KCP: variants seen among roughly 807,000 people sequenced by gnomAD.
KCP encodes kielin/chordin-like protein.
In KCP, 194 loss-of-function variants were observed where a neutral mutation model predicts 212.7. The ratio of observed to expected loss-of-function variants is 0.91; its 90% CI spans 0.81 to 1.03. KCP has a LOEUF of 1.03. Ranked by LOEUF, KCP falls within the 50% of genes least tolerant of loss-of-function variation. The probability of loss-of-function intolerance (pLI) is 0.00; values close to 1 mark genes in which losing one functional copy is unlikely to be tolerated. For synonymous variants in KCP, 833 were observed against 865.3 expected (o/e 0.96, Z 0.65); for missense variants, 2,080 against 2,162.5 (o/e 0.96, Z 0.76).
chr7:128,888,289 C>G (rs1427323618), intron 22 of KCP, among the ~76,000 whole-genome samples: 2 of 140,890 alleles, frequency 1.4e-5, no homozygotes, highest in African/African-American at 2.8e-5. Context: ...GTCACACACA[C>G]AGAGCAACAC....
At chr7:128,890,134 G>A in intron 21 of KCP, 1 of 788,608 alleles carries the variant, frequency 1.3e-6, no homozygotes, top group East Asian at 2.8e-5. Context: ...TGCCCAGGCT[G>A]GTCTTGAACT....
rs777326044 is a variant in KCP at position 128,904,096 on chromosome 7, A to C, written c.614T>G (p.Phe205Cys). ...EGQLYEEGVT[F>C]LSSSNPCLQC... ...TAGACAAGGGTTGGAGCTGGACAGGAAGGTGACCCCCTCCTCATAAAGCTG... is the reference window on the plus strand; with the variant it reads ...TAGACAAGGGTTGGAGCTGGACAGGCAGGTGACCCCCTCCTCATAAAGCTG... The change falls in exon 6 of 40, where the codon TTC (phenylalanine) becomes TGC (cysteine). Residue 205 changes from phenylalanine (F) to cysteine (C), a missense_variant. Phe to Cys is a radical substitution (Grantham distance 205, BLOSUM62 -2). Coordinates refer to ENST00000610776, the MANE Select transcript of KCP (RefSeq NM_001366122.1). 3.9e-6 allele frequency: 6 copies of C among 1,551,660 alleles called. No homozygotes were observed. The South Asian group carries it at 7.1e-5, about 18-fold the overall frequency.
At chr7:128,908,857 G>A (rs960334603) in intron 1 of KCP, among the ~76,000 whole-genome samples, 1 of 152,216 alleles carries the variant, frequency 6.6e-6, no homozygotes, top group African/African-American at 2.4e-5. Context: ...GCACCTGTCA[G>A]AAAGGCCACA....
chr7:128,904,443 C>A, intron 5 of KCP: 1 of 1,222,542 alleles, frequency 8.2e-7, no homozygotes, highest in South Asian at 1.3e-5. Context: ...TCTCTCTCTC[C>A]TGCTCTCCCT....
intron 4 of KCP, among the ~76,000 whole-genome samples, chr7:128,906,642 CAGGGAGG>C (rs1795132272): frequency 1.3e-5 from 2 of 152,010 alleles, no homozygotes; most frequent in African/African-American, 4.8e-5. Flanking sequence ...AAGACTTTCT[CAGGGAGG>C]AAGGAGGAAG....
At chr7:128,908,624 A>T (rs1795279713) in intron 1 of KCP, 56 bp from the exon 2 acceptor site, 3 of 1,513,220 alleles carry the variant, frequency 2.0e-6, no homozygotes, top group African/African-American at 2.8e-5. Flanking sequence ...GCCTGGCCAC[A>T]TTTTCTGGGT....
intron 20 of KCP, 82 bp downstream of exon 20, chr7:128,890,823 G>T: frequency 8.6e-7 from 1 of 1,157,838 alleles, no homozygotes; most frequent in African/African-American, 1.6e-5. Context: ...GGGCCTGGAG[G>T]AAGGGGACTG....
At chr7:128,890,712 G>GA (rs1794053662) in intron 20 of KCP, among the ~76,000 whole-genome samples, 193 bp downstream of exon 20, 1 of 151,368 alleles carries the variant, frequency 6.6e-6, no homozygotes, top group Non-Finnish European at 1.5e-5. Context: ...GGTGTCGTGG[G>GA]GGGCTGGGGG....
rs1389299296 is a variant in KCP, at chr7:128,904,073, G to C, written c.637C>G (p.Leu213Val). Residue 213 changes from leucine to valine, a missense_variant, in exon 6 of 40, where the codon CTA (leucine) becomes GTA (valine). Physicochemically the swap from Leu to Val is conservative, Grantham distance 32. Coordinates refer to ENST00000610776, the MANE Select transcript of KCP (RefSeq NM_001366122.1). ...VTFLSSSNPC[L>V]QCTCLRSRVR... is the part of the protein sequence containing the mutation. ...GGACTCACCAGGCAGGTGCACTGTA[G>C]ACAAGGGTTGGAGCTGGACAGGAAG... is the stretch of plus-strand genomic sequence containing the variant. 8 of 1,551,566 alleles carry C rather than the reference G, an allele frequency of 5.2e-6. No homozygotes were observed. The South Asian group carries it at 8.3e-5, about 16-fold the overall frequency.
rs985267372 is a variant in KCP, at chr7:128,884,865, T to C, written c.3041-2A>G. The stretch of plus-strand genomic sequence containing the variant: ...ACTTCCGGCCCTCATGCTCACAGTC[T>C]TTGGGGTGGAGTGAGAGCAGAACGG... On this transcript the variant is annotated splice_acceptor_variant, in intron 27 of 39. Coordinates refer to ENST00000610776, the MANE Select transcript of KCP (RefSeq NM_001366122.1). LOFTEE classifies it high-confidence loss of function. The C allele has an allele frequency of 6.4e-7, 1 of 1,550,554 alleles. No homozygotes were observed. Among genetic ancestry groups the C allele is most frequent in the Non-Finnish European group, 8.7e-7 (1 of 1,146,908 alleles).
chr7:128,881,302 C>T (rs1378215528), intron 31 of KCP, among the ~76,000 whole-genome samples: 2 of 152,228 alleles, frequency 1.3e-5, no homozygotes, highest in African/African-American at 4.8e-5. Context: ...GCCCAAAGGG[C>T]CAGAGGCTGG....
At chr7:128,884,144 G>A (rs1793501860) in intron 28 of KCP, 22 bp from the exon 29 acceptor site, 3 of 1,536,812 alleles carry the variant, frequency 2.0e-6, no homozygotes, top group Non-Finnish European at 2.6e-6. Flanking sequence ...AGTGAGCAGC[G>A]GTGGGTCCTG....
intron 26 of KCP, 83 bp downstream of exon 26, chr7:128,886,381 G>A: frequency 8.5e-7 from 1 of 1,180,264 alleles, no homozygotes; most frequent in Non-Finnish European, 1.2e-6. Context: ...GAGAAGAGCT[G>A]GCTGAGGGGA....
In KCP at chr7:128,892,896, G is replaced by A. The variant is rs746790712; in HGVS notation, c.1393C>T (p.Pro465Ser). Residue 465 changes from proline (P) to serine (S), a missense_variant, in exon 14 of 40, where the codon CCC becomes TCC. Physicochemically the swap from Pro to Ser is moderately conservative, Grantham distance 74. Transcript: ENST00000610776. Reference protein sequence around the residue: ...KCGAVLCPPAPCQHPTQPPGA... With the variant: ...KCGAVLCPPASCQHPTQPPGA... Reference sequence around the variant, plus strand: ...GGGGGCTGGGTGGGGTGCTGGCAGGGGGCTGGGGGGCAGAGCACAGCCCCG... The same window carrying A: ...GGGGGCTGGGTGGGGTGCTGGCAGGAGGCTGGGGGGCAGAGCACAGCCCCG... 17 of 1,547,054 alleles carry A rather than the reference G, an allele frequency of 1.1e-5. No individual in the cohort carries two copies. In the African/African-American group the frequency reaches 1.9e-4, roughly 17 times the overall value.
rs1220080408 is a variant in KCP at position 128,892,913 on chromosome 7, A to G, written c.1376T>C (p.Val459Ala). The G allele has an allele frequency of 6.6e-7, 1 of 1,518,266 alleles. No individual in the cohort carries two copies. The highest frequency in any genetic ancestry group is 2.5e-5 in the East Asian group (1 of 40,760). The allele number at this position is 1,518,266 out of a possible 1,614,324, so 94.0% of individuals were successfully genotyped here. Reference sequence around the variant, plus strand: ...CTGGCAGGGGGCTGGGGGGCAGAGCACAGCCCCGCACTTGGGTACCCCATC... The same window carrying G: ...CTGGCAGGGGGCTGGGGGGCAGAGCGCAGCCCCGCACTTGGGTACCCCATC... Reference protein sequence around the residue: ...CQDGVPKCGAVLCPPAPCQHP... With the variant: ...CQDGVPKCGAALCPPAPCQHP... The change falls in exon 14 of 40, where the codon GTG (valine) becomes GCG (alanine). Residue 459 changes from valine to alanine, a missense_variant. By Grantham distance (64) the Val-to-Ala change is moderately conservative. Coordinates refer to ENST00000610776, the MANE Select transcript of KCP (RefSeq NM_001366122.1).
chr7:128,908,658 AG>A (rs1795280623), intron 1 of KCP, 90 bp from the exon 2 acceptor site: 4 of 1,392,308 alleles, frequency 2.9e-6, no homozygotes, highest in Non-Finnish European at 3.9e-6. Flanking sequence ...CCACAGGGGA[AG>A]GGGGTCATCC....
At position 128,886,930 on chromosome 7, in the gene KCP, G is replaced by A. The variant is rs188456490; in HGVS notation, c.2635C>T (p.Pro879Ser). Residue 879 changes from proline (P) to serine (S), a missense_variant, in exon 24 of 40, where the codon CCA becomes TCA. Transcript: ENST00000610776. The stretch of plus-strand genomic sequence containing the variant: ...GGAGAGGGGTGGGGGCAGAGAGCTG[G>A]GGGACATGGCTTCTTCTGGCAGCGC... ...SMRCQKKPCP[P>S]ALCPHPSPGP... 9.4e-4 allele frequency: 1,445 copies of A among 1,533,226 alleles called. 2 individuals carry two copies. The highest frequency in any genetic ancestry group is 1.1e-3 in the Non-Finnish European group (1,276 of 1,136,108). 95.0% of individuals were successfully genotyped at this position (1,533,226 alleles called of 1,614,324 possible).
Position 128,877,723 on chromosome 7 carries a change from G to A in KCP, c.4379C>T (p.Ala1460Val), listed in dbSNP as rs768239836. Residue 1460 changes from alanine (A) to valine (V), a missense_variant, in exon 39 of 40, where the codon GCA becomes GTA. Physicochemically the swap from Ala to Val is moderately conservative, Grantham distance 64 (BLOSUM62 0). Coordinates refer to ENST00000610776, the MANE Select transcript of KCP (RefSeq NM_001366122.1). ...GGCCTCACGCCTGGCACGGTAACCT[G>A]CTGCCCGGCACGGATCCACCTCTCG... ...AGREVDPCRA[A>V]GYRARREANA... is the part of the protein sequence containing the mutation. 3.9e-6 allele frequency: 6 copies of A among 1,551,040 alleles called. No homozygotes were observed. In the South Asian group the frequency reaches 4.8e-5, roughly 12 times the overall value.
At chr7:128,899,561 C>T (rs990544646) in intron 8 of KCP, among the ~76,000 whole-genome samples, 9 of 152,136 alleles carry the variant, frequency 5.9e-5, no homozygotes, top group African/African-American at 2.2e-4. Flanking sequence ...ATTGCTGATC[C>T]TTTGTTTTGT....
Sources: gnomAD v4.1 joint callset for allele counts (sites outside exome capture counted in the v4.1 genomes callset) on GRCh38, gnomAD v4.1.1 for gene constraint, MANE v1.5 for transcripts, NCBI Gene and HGNC (gene_info 2026-07-23, HGNC 2026-07-21) for gene names.